KIF26A: variants seen among roughly 807,000 people sequenced by gnomAD.
KIF26A encodes the protein kinesin family member 26A.
KIF26A carries 74 observed loss-of-function variants against 126.0 expected under a neutral mutation model. That is an observed-to-expected ratio of 0.59 (90% CI 0.49 to 0.71). The LOEUF is 0.71. Among genes scored for constraint, KIF26A ranks in the 30% least tolerant of loss-of-function variants. KIF26A has a pLI of 0.00. For missense variants in KIF26A, 2,984 were observed against 2,763.3 expected, an observed-to-expected ratio of 1.08 and a Z score of -1.79; for synonymous variants, 1,445 against 1,232.7, an observed-to-expected ratio of 1.17 and a Z score of -3.61.
In KIF26A at chr14:104,180,788, A is replaced by G. The variant is rs753741219; in HGVS notation, c.*998A>G. ...CGACGTCCCCGCACGACAGGCTCAT[A>G]CTTTCTGAGGATCGTGCATAGCATA... On this transcript the variant is annotated 3_prime_UTR_variant, in exon 15 of 15. Transcript: ENST00000423312. 1.3e-5 allele frequency: 2 copies of G among 154,444 alleles called. No individual in the cohort carries two copies. Among genetic ancestry groups the G allele is most frequent in the African/African-American group, 4.8e-5 (2 of 41,640 alleles). The allele number at this position is 154,444 out of a possible 1,614,324, so 9.6% of individuals were successfully genotyped here. A position where few individuals can be genotyped will look rare whatever the true frequency, so the allele number is the denominator to read the frequency against.
In KIF26A at chr14:104,174,255, T is replaced by G. The variant is rs1212940520; in HGVS notation, c.2138T>G (p.Leu713Arg). 1.9e-6 allele frequency: 3 copies of G among 1,575,114 alleles called. No homozygotes were observed. The highest frequency in any genetic ancestry group is 1.9e-4 in the Middle Eastern group (1 of 5,196). Reference protein sequence around the residue: ...SDAPAQHAETLSTVQLAARIH... With the variant: ...SDAPAQHAETRSTVQLAARIH... ...GCGCCAGCCCAGCACGCAGAGACAC[T>G]CAGCACCGTGCAGCTCGCCGCCCGC... is the stretch of plus-strand genomic sequence containing the variant. The change falls in exon 11 of 15, where the codon CTC (leucine) becomes CGC (arginine). Residue 713 changes from leucine (L) to arginine (R), a missense_variant. Leu to Arg is a moderately radical substitution (Grantham distance 102). Transcript: ENST00000423312.
At position 104,151,628 on chromosome 14, in the gene KIF26A, C is replaced by T. The variant is rs954157170; in HGVS notation, c.289-387C>T. On this transcript the variant is annotated intron_variant, in intron 2 of 14. Transcript: ENST00000423312. This position sits in a 1 kb window ranked among gnomAD's most constrained non-coding sequence, Gnocchi z 4.9. The stretch of plus-strand genomic sequence containing the variant: ...AGTGAGTGTGGGTGAGGGAGGCCCT[C>T]GTGGCTCTGAAGAGACGTTGCTTTT... 6.6e-6 allele frequency among the ~76,000 whole-genome samples: 1 copy of T among 152,208 alleles called. No homozygotes were observed.
In KIF26A at chr14:104,175,968, C is replaced by A; in HGVS notation, c.3180C>A (p.Asp1060Glu). Residue 1060 changes from aspartate (D) to glutamate (E), a missense_variant, in exon 12 of 15, where the codon GAC becomes GAA. By Grantham distance (45) the Asp-to-Glu change is conservative. Coordinates refer to ENST00000423312, the MANE Select transcript of KIF26A (RefSeq NM_015656.2). ...RPTSLASFDS[D>E]CSLRALASGS... ...CCAGCCTGGCTAGCTTCGACAGTGA[C>A]TGCTCCCTGCGGGCCCTGGCCTCGG... The A allele has an allele frequency of 6.4e-7, 1 of 1,573,546 alleles. No homozygotes were observed. The highest frequency in any genetic ancestry group is 8.6e-7 in the Non-Finnish European group (1 of 1,166,182).
At chr14:104,166,802 T>C in intron 4 of KIF26A, 57 bp from the exon 5 acceptor site, 2 of 1,434,282 alleles carry the variant, frequency 1.4e-6, no homozygotes, top group East Asian at 2.7e-5. Flanking sequence ...CGCAGGCGGG[T>C]GACAGGAACA....
At position 104,175,878 on chromosome 14, in the gene KIF26A, C is replaced by T. The variant is rs1431202993; in HGVS notation, c.3090C>T (p.Asp1030=). ...GGCCAGTGGAGCTCAACGGCGAGGACGAGCTGGTGTTCACGGTGGTGGAGG... is the reference window on the plus strand; with the variant it reads ...GGCCAGTGGAGCTCAACGGCGAGGATGAGCTGGTGTTCACGGTGGTGGAGG... ...LQRPVELNGE[D]ELVFTVVEEL... The change falls in exon 12 of 15, where the codon GAC becomes GAT. Residue 1030 remains aspartate (D), a synonymous_variant. Transcript: ENST00000423312. 1.4e-5 allele frequency: 21 copies of T among 1,540,574 alleles called. No individual in the cohort carries two copies. The highest frequency in any genetic ancestry group is 1.9e-5 in the Admixed American group (1 of 51,412).
intron 4 of KIF26A, among the ~76,000 whole-genome samples, chr14:104,165,415 C>T (rs796295547): frequency 1.3e-4 from 10 of 78,330 alleles, no homozygotes; most frequent in East Asian, 7.4e-4. Context: ...TTCTGTGTGT[C>T]TCTGTATGCG....
rs563689633 is a variant in KIF26A at position 104,175,344 on chromosome 14, C to T, written c.2556C>T (p.Asp852=). ...TGCAGGAGCGGCTGGAATGCATGGACGGCAACGAGGGTCCCTCAGGAGGTC... is the reference window on the plus strand; with the variant it reads ...TGCAGGAGCGGCTGGAATGCATGGATGGCAACGAGGGTCCCTCAGGAGGTC... ...AELQERLECM[D]GNEGPSGGPG... The change falls in exon 12 of 15, where the codon GAC becomes GAT. Residue 852 remains aspartate, a synonymous_variant. Transcript: ENST00000423312. 13 of 1,603,018 alleles carry T rather than the reference C, an allele frequency of 8.1e-6. 1 individual carries two copies. The South Asian group carries it at 8.8e-5, about 11-fold the overall frequency.
intron 2 of KIF26A, among the ~76,000 whole-genome samples, chr14:104,144,602 CAAAG>C (rs758456408): frequency 3.3e-5 from 5 of 152,186 alleles, no homozygotes; most frequent in African/African-American, 7.2e-5. Flanking sequence ...CCTTAAGTAA[CAAAG>C]AAAGTCTAGT....
At chr14:104,154,574 G>A (rs1212941957) in intron 3 of KIF26A, among the ~76,000 whole-genome samples, 4 of 152,226 alleles carry the variant, frequency 2.6e-5, no homozygotes, top group Admixed American at 6.5e-5. Flanking sequence ...AGCTGCCCAC[G>A]GAGCCTGGCC....
At chr14:104,161,241 C>T (rs1029485098) in intron 4 of KIF26A, among the ~76,000 whole-genome samples, 1 of 152,062 alleles carries the variant, frequency 6.6e-6, no homozygotes, top group African/African-American at 2.4e-5. Flanking sequence ...GCTGGGGTCC[C>T]CCGATGCCTG....
At chr14:104,166,658 G>A (rs985676632) in intron 4 of KIF26A, among the ~76,000 whole-genome samples, 2 of 150,614 alleles carry the variant, frequency 1.3e-5, no homozygotes, top group African/African-American at 5.0e-5. Context: ...GAGTCCCTGG[G>A]GCAGGGACGC....
chr14:104,173,645 A>G, intron 9 of KIF26A, 61 bp from the exon 10 acceptor site: 1 of 1,579,596 alleles, frequency 6.3e-7, no homozygotes, highest in South Asian at 1.1e-5. Context: ...TGGGGTGGGG[A>G]TGTGGAGCAG....
At chr14:104,146,862 G>A (rs574865939) in intron 2 of KIF26A, among the ~76,000 whole-genome samples, 130 of 152,270 alleles carry the variant, frequency 8.5e-4, no homozygotes, top group Middle Eastern at 3.4e-3. Context: ...GGAGGCGGGC[G>A]CTCTGGGGGC....
At chr14:104,144,794 G>A (rs887488868) in intron 2 of KIF26A, among the ~76,000 whole-genome samples, 38 of 152,238 alleles carry the variant, frequency 2.5e-4, no homozygotes, top group African/African-American at 8.2e-4. Context: ...GCGAGCCACC[G>A]CACAATCTTT....
chr14:104,148,469 A>G lies in KIF26A; in HGVS notation c.289-3546A>G, dbSNP rs1407281567. On this transcript the variant is annotated intron_variant, in intron 2 of 14. Coordinates refer to ENST00000423312, the MANE Select transcript of KIF26A (RefSeq NM_015656.2). The surrounding 1 kb of genome is among the most constrained non-coding windows in gnomAD (Gnocchi z 4.3). Reference sequence around the variant, plus strand: ...GGCGGGCCTGCTGGCTGGGGCTTTGAGGAGTTCAGATTCCTGAAATTGGGG... The same window carrying G: ...GGCGGGCCTGCTGGCTGGGGCTTTGGGGAGTTCAGATTCCTGAAATTGGGG... 6.6e-6 allele frequency among the ~76,000 whole-genome samples: 1 copy of G among 151,960 alleles called. No homozygotes were observed. Among genetic ancestry groups the G allele is most frequent in the Non-Finnish European group, 1.5e-5 (1 of 68,000 alleles).
rs570450152 is a variant in KIF26A at position 104,169,294 on chromosome 14, C to G, written c.1113+2246C>G. The stretch of plus-strand genomic sequence containing the variant: ...CTCTGGCCTGGGCCTGGCACTCAGC[C>G]TGTTTGTGCCATCCAGTTGGGGCGG... On this transcript the variant is annotated intron_variant, in intron 5 of 14. Coordinates refer to ENST00000423312, the MANE Select transcript of KIF26A (RefSeq NM_015656.2). Among the ~76,000 whole-genome samples, 88 of 152,348 alleles carry G rather than the reference C, an allele frequency of 5.8e-4. 1 individual carries two copies. In the Middle Eastern group the frequency reaches 0.01, roughly 18 times the overall value.
intron 4 of KIF26A, among the ~76,000 whole-genome samples, chr14:104,163,409 C>T (rs1444056447): frequency 6.6e-6 from 1 of 152,200 alleles, no homozygotes; most frequent in African/African-American, 2.4e-5. Context: ...CGGCCTCCAT[C>T]CTGTCCCTGA....
At chr14:104,172,807 C>A in intron 7 of KIF26A, 139 bp downstream of exon 7, 1 of 1,102,300 alleles carries the variant, frequency 9.1e-7, no homozygotes, top group African/African-American at 1.6e-5. Flanking sequence ...GGGTGAGGGG[C>A]TTGTGGAGAG....
At chr14:104,163,811 A>G (rs555774250) in intron 4 of KIF26A, among the ~76,000 whole-genome samples, 6 of 151,858 alleles carry the variant, frequency 4.0e-5, no homozygotes, top group Non-Finnish European at 8.8e-5. Context: ...CATCGCCAGC[A>G]TTTACCCAAT....
Sources: allele counts gnomAD v4.1 joint callset (sites outside exome capture counted in the v4.1 genomes callset), GRCh38; gene constraint gnomAD v4.1.1; non-coding constraint Gnocchi (gnomAD v3.1); transcripts MANE v1.5; gene names NCBI Gene and HGNC (gene_info 2026-07-23, HGNC 2026-07-21).